The following CSMD1 variants were observed in gnomAD, a reference collection of about 807,000 sequenced individuals.
CSMD1 encodes CUB and Sushi multiple domains 1.
A neutral mutation model predicts 417.5 loss-of-function variants in CSMD1; 213 were observed. The observed-to-expected ratio is 0.51, with a 90% CI of 0.46 to 0.57. CSMD1 has a LOEUF of 0.57. CSMD1 is among the 20% of genes least tolerant of loss of function. The pLI, the probability that CSMD1 is intolerant of heterozygous loss-of-function variation, is 0.00. For missense variants in CSMD1, 6,923 were observed against 4,529.7 expected (o/e 1.53, Z -15.17); for synonymous variants, 2,862 against 1,736.8 (o/e 1.65, Z -16.11).
chr8:4,560,792 G>T (rs144034978), intron 2 of CSMD1, among the ~76,000 whole-genome samples: 1 of 152,202 alleles, frequency 6.6e-6, no homozygotes, highest in Non-Finnish European at 1.5e-5. Flanking sequence ...GTAGCCTGAA[G>T]ACTTCCTAAT....
chr8:3,549,436 G>T (rs889323157), intron 10 of CSMD1, among the ~76,000 whole-genome samples: 1 of 152,174 alleles, frequency 6.6e-6, no homozygotes, highest in South Asian at 2.1e-4. Flanking sequence ...TATGGCCTTT[G>T]AGGCTCACAT....
chr8:4,928,402 T>C (rs1475195119), intron 1 of CSMD1, among the ~76,000 whole-genome samples: 1 of 152,176 alleles, frequency 6.6e-6, no homozygotes, highest in East Asian at 1.9e-4. Flanking sequence ...AGCTGGGGCT[T>C]TCCCTGATTG....
chr8:3,303,298 A>T (rs1804557925), intron 25 of CSMD1, among the ~76,000 whole-genome samples: 1 of 152,152 alleles, frequency 6.6e-6, no homozygotes, highest in Non-Finnish European at 1.5e-5. Context: ...TGGAAGGTTG[A>T]TCAGAAATGG....
At chr8:4,517,075 A>G (rs980559450) in intron 2 of CSMD1, among the ~76,000 whole-genome samples, 9 of 152,210 alleles carry the variant, frequency 5.9e-5, no homozygotes, top group African/African-American at 2.2e-4. Context: ...CTGTGAATGC[A>G]GAAATTTAAA....
At chr8:3,004,371 G>A (rs1807692313) in intron 52 of CSMD1, among the ~76,000 whole-genome samples, 1 of 152,192 alleles carries the variant, frequency 6.6e-6, no homozygotes, top group African/African-American at 2.4e-5. Context: ...CTTGAGAAGT[G>A]TGTGTCAGAA....
chr8:4,838,869 G>C (rs966143789), intron 1 of CSMD1, among the ~76,000 whole-genome samples: 1 of 152,126 alleles, frequency 6.6e-6, no homozygotes, highest in Non-Finnish European at 1.5e-5. Flanking sequence ...ATCTCCAGTA[G>C]CAATCTTTTG....
Position 2,962,657 on chromosome 8 carries a change from G to T in CSMD1, c.9455-18C>A. 2.5e-6 allele frequency: 4 copies of T among 1,610,006 alleles called. No homozygotes were observed. The highest frequency in any genetic ancestry group is 3.4e-6 in the Non-Finnish European group (4 of 1,177,520). On this transcript the variant is annotated intron_variant, in intron 60 of 69. Coordinates refer to ENST00000635120, the MANE Select transcript of CSMD1 (RefSeq NM_033225.6). ...GAACACAGCTATGGAAGATAACCAG[G>T]AAGAAGTCAGCCTTCAACGTCCCTG... is the stretch of plus-strand genomic sequence containing the variant.
At chr8:4,372,827 G>T (rs1467400552) in intron 3 of CSMD1, among the ~76,000 whole-genome samples, 1 of 151,736 alleles carries the variant, frequency 6.6e-6, no homozygotes, top group Non-Finnish European at 1.5e-5. Flanking sequence ...AAAATAGGAA[G>T]AAAGCCCAAT....
At chr8:3,026,405 C>A (rs1344869797) in intron 51 of CSMD1, among the ~76,000 whole-genome samples, 1 of 151,478 alleles carries the variant, frequency 6.6e-6, no homozygotes, top group East Asian at 2.0e-4. Context: ...CCTCACTGGG[C>A]CTGACTGGAC....
At chr8:3,139,684 T>C (rs1429318874) in intron 41 of CSMD1, among the ~76,000 whole-genome samples, 1 of 152,126 alleles carries the variant, frequency 6.6e-6, no homozygotes, top group Non-Finnish European at 1.5e-5. Context: ...ACATTAAAAT[T>C]ATAAATAGAT....
At chr8:4,825,162 T>G (rs13251775) in intron 1 of CSMD1, among the ~76,000 whole-genome samples, 1 of 152,072 alleles carries the variant, frequency 6.6e-6, no homozygotes, top group Non-Finnish European at 1.5e-5. Flanking sequence ...AGAAGTGGGA[T>G]AAATGTGACT....
chr8:3,226,003 A>T (rs1798480423), intron 27 of CSMD1, among the ~76,000 whole-genome samples: 1 of 152,252 alleles, frequency 6.6e-6, no homozygotes, highest in Non-Finnish European at 1.5e-5. Context: ...TCAACAGCAC[A>T]CATACATACG....
At chr8:4,365,282 T>C (rs1381117272) in intron 3 of CSMD1, among the ~76,000 whole-genome samples, 1 of 152,220 alleles carries the variant, frequency 6.6e-6, no homozygotes, top group Non-Finnish European at 1.5e-5. Flanking sequence ...AAACTGTAAG[T>C]GTAAATAAAT....
chr8:3,119,022 T>C (rs983908511), intron 41 of CSMD1, among the ~76,000 whole-genome samples: 20 of 151,978 alleles, frequency 1.3e-4, no homozygotes, highest in African/African-American at 4.6e-4. Flanking sequence ...CTACTAAAAA[T>C]ACAAAAAGTT....
rs1029747403 is a variant in CSMD1, at chr8:3,729,329, G to A, written c.932-20838C>T. On this transcript the variant is annotated intron_variant, in intron 6 of 69. Transcript: ENST00000635120. ...CAGATGCTGTCTGAGGGTGGGCTTC[G>A]GAGTGAGACTTTGCCAGTCTAGCTC... Among the ~76,000 whole-genome samples the A allele has an allele frequency of 4.6e-5, 7 of 152,154 alleles. No homozygotes were observed. In the East Asian group the frequency reaches 7.7e-4, roughly 17 times the overall value.
intron 5 of CSMD1, among the ~76,000 whole-genome samples, chr8:3,848,850 GCACA>G (rs1363307469): frequency 5.3e-5 from 8 of 151,788 alleles, no homozygotes; most frequent in Non-Finnish European, 4.4e-5. Flanking sequence ...TGTTTATAAA[GCACA>G]CATTTTTTTC....
At chr8:4,238,414 C>G (rs983399590) in intron 3 of CSMD1, among the ~76,000 whole-genome samples, 1 of 152,076 alleles carries the variant, frequency 6.6e-6, no homozygotes, top group Non-Finnish European at 1.5e-5. Context: ...CATGGTATAC[C>G]CTAGAGTCAC....
chr8:3,473,746 G>T (rs1452228730), intron 11 of CSMD1, among the ~76,000 whole-genome samples: 1 of 152,170 alleles, frequency 6.6e-6, no homozygotes, highest in Admixed American at 6.5e-5. Flanking sequence ...GGTGGTGTCT[G>T]TATGGGTGTA....
At chr8:3,798,683 T>A (rs1585016582) in intron 5 of CSMD1, among the ~76,000 whole-genome samples, 1 of 152,110 alleles carries the variant, frequency 6.6e-6, no homozygotes, top group South Asian at 2.1e-4. Flanking sequence ...TACACACATA[T>A]AAGTGTATAT....
Sources: gnomAD v4.1 joint callset for allele counts (sites outside exome capture counted in the v4.1 genomes callset) on GRCh38, gnomAD v4.1.1 for gene constraint, MANE v1.5 for transcripts, NCBI Gene and HGNC (gene_info 2026-07-23, HGNC 2026-07-21) for gene names.